The following CDHR3 variants were observed in gnomAD, a reference collection of about 807,000 sequenced individuals.
CDHR3 encodes cadherin-related family member 3.
Under a neutral mutation model 86.6 loss-of-function variants are expected in CDHR3, and 79 were observed. The observed-to-expected ratio is 0.91, with a 90% CI of 0.76 to 1.10. CDHR3 has a LOEUF of 1.10. Among genes scored for constraint, CDHR3 ranks in the 50% least tolerant of loss-of-function variants. CDHR3 has a pLI of 0.00. For synonymous variants in CDHR3, 421 were observed against 402.4 expected, an observed-to-expected ratio of 1.05 and a Z score of -0.55; for missense variants, 1,081 against 1,077.6, an observed-to-expected ratio of 1.00 and a Z score of -0.04.
intron 3 of CDHR3, among the ~76,000 whole-genome samples, chr7:105,982,049 C>A (rs1170401520): frequency 2.7e-5 from 3 of 110,602 alleles, no homozygotes; most frequent in Non-Finnish European, 5.8e-5. Context: ...GCCTCCCAGC[C>A]CCCCTGCAGT....
In CDHR3 at chr7:105,996,253, C is replaced by G. The variant is rs566350612; in HGVS notation, c.612C>G (p.Phe204Leu). 51 of 1,563,378 alleles carry G rather than the reference C, an allele frequency of 3.3e-5. No homozygotes were observed. The South Asian group carries it at 5.1e-4, about 16-fold the overall frequency. Reference sequence around the variant, plus strand: ...ACGTGGAATGTTTCCCTGGCAGTTTCCATCTCATCGTGGAGGTGAGGGACA... The same window carrying G: ...ACGTGGAATGTTTCCCTGGCAGTTTGCATCTCATCGTGGAGGTGAGGGACA... ...ELDFEAGHRS[F>L]HLIVEVRDSG... Residue 204 changes from phenylalanine (F) to leucine (L), a missense_variant, in exon 6 of 19, where the codon TTC becomes TTG. Transcript: ENST00000317716.
At chr7:106,008,393 G>A (rs527655243) in intron 8 of CDHR3, among the ~76,000 whole-genome samples, 2 of 152,272 alleles carry the variant, frequency 1.3e-5, no homozygotes, top group South Asian at 2.1e-4. Context: ...TGGCTTCCCT[G>A]GGCCTAGTGG....
rs1826324132 is a variant in CDHR3, at chr7:105,963,332, T to A, written c.14T>A (p.Ile5Asn). 1 of 1,613,900 alleles carries A rather than the reference T, an allele frequency of 6.2e-7. No homozygotes were observed. The highest frequency in any genetic ancestry group is 1.3e-5 in the African/African-American group (1 of 74,942). The change falls in exon 1 of 19, where the codon ATC becomes AAC. Residue 5 changes from isoleucine (I) to asparagine (N), a missense_variant. Transcript: ENST00000317716. The stretch of plus-strand genomic sequence containing the variant: ...TGACCATCAAGTATGCAGGAAGCAA[T>A]CATTCTCCTGGCTCTCCTGGGTGCC... The part of the protein sequence containing the change: MQEA[I>N]ILLALLGAMS...
At chr7:105,967,620 T>C (rs891173390) in intron 1 of CDHR3, among the ~76,000 whole-genome samples, 8 of 152,204 alleles carry the variant, frequency 5.3e-5, no homozygotes, top group African/African-American at 1.9e-4. Context: ...GCACCTGTTG[T>C]TTCCTGACTT....
At chr7:106,028,915 A>ATTCTCTTTCTTTCTTTCT (rs1837794377) in intron 17 of CDHR3, among the ~76,000 whole-genome samples, 1 of 115,306 alleles carries the variant, frequency 8.7e-6, no homozygotes, top group African/African-American at 3.3e-5. Context: ...TGAGATTTAA[A>ATTCTCTTTCTTTCTTTCT]TTTTCTTTCT....
At position 106,022,293 on chromosome 7, in the gene CDHR3, G is replaced by A. The variant is rs746415660; in HGVS notation, c.1921G>A (p.Asp641Asn). The change falls in exon 14 of 19, where the codon GAT becomes AAT. Residue 641 changes from aspartate to asparagine, a missense_variant. Physicochemically the swap from Asp to Asn is conservative, Grantham distance 23. Coordinates refer to ENST00000317716, the MANE Select transcript of CDHR3 (RefSeq NM_152750.5). ...TSRFDYAGGF[D>N]KIWDYKLLVY... ...TCGCTTTGACTATGCTGGTGGGTTT[G>A]ATAAGATCTGGGACTACAAGCTACT... The A allele has an allele frequency of 3.8e-5, 61 of 1,613,904 alleles. No individual in the cohort carries two copies. The highest frequency in any genetic ancestry group is 4.9e-5 in the Non-Finnish European group (58 of 1,179,908).
intron 8 of CDHR3, 68 bp downstream of exon 8, chr7:106,004,755 C>G: frequency 2.1e-6 from 3 of 1,425,274 alleles, no homozygotes; most frequent in Non-Finnish European, 3.0e-6. Context: ...TTCTGCTTCT[C>G]TGGTATATTC....
intron 2 of CDHR3, among the ~76,000 whole-genome samples, chr7:105,980,623 A>ATTTTTTTTTTT (rs55880404): frequency 2.8e-5 from 3 of 108,152 alleles, no homozygotes; most frequent in Admixed American, 1.0e-4. Context: ...TTTTTTTTTA[A>ATTTTTTTTTTT]TTTTTTTTTT....
At chr7:106,007,628 C>T (rs1834138418) in intron 8 of CDHR3, among the ~76,000 whole-genome samples, 1 of 152,236 alleles carries the variant, frequency 6.6e-6, no homozygotes, top group Non-Finnish European at 1.5e-5. Context: ...ACAAGTTCCT[C>T]ATCTCCATCT....
chr7:106,032,298 C>T, intron 18 of CDHR3, 95 bp from the exon 19 acceptor site: 3 of 1,228,172 alleles, frequency 2.4e-6, no homozygotes, highest in South Asian at 1.5e-5. Context: ...CTTCATCTTC[C>T]CTTGGGAGTC....
intron 4 of CDHR3, among the ~76,000 whole-genome samples, chr7:105,992,188 T>C (rs546796609): frequency 6.6e-6 from 1 of 152,092 alleles, no homozygotes; most frequent in African/African-American, 2.4e-5. Context: ...GGCCTTACAG[T>C]GCTTGGGACC....
At chr7:106,015,628 G>A (rs1317255040) in intron 10 of CDHR3, among the ~76,000 whole-genome samples, 3 of 152,068 alleles carry the variant, frequency 2.0e-5, no homozygotes, top group Non-Finnish European at 4.4e-5. Flanking sequence ...TTTTGCATAT[G>A]CCTACAACAC....
Position 106,024,479 on chromosome 7 carries a change from T to C in CDHR3, c.2175T>C (p.Gly725=). The change falls in exon 15 of 19, where the codon GGT becomes GGC. Residue 725 remains glycine, a synonymous_variant. Coordinates refer to ENST00000317716, the MANE Select transcript of CDHR3 (RefSeq NM_152750.5). Reference sequence around the variant, plus strand: ...CTTTGGGCTCCATATTGCTTCTGGGTCTCCTCGTGTACCTGGTCGTCCTAT... The same window carrying C: ...CTTTGGGCTCCATATTGCTTCTGGGCCTCCTCGTGTACCTGGTCGTCCTAT... ...VITLGSILLL[G]LLVYLVVLLA... 4 of 1,614,016 alleles carry C rather than the reference T, an allele frequency of 2.5e-6. No homozygotes were observed. Among genetic ancestry groups the C allele is most frequent in the Non-Finnish European group, 3.4e-6 (4 of 1,179,894 alleles).
chr7:106,010,033 G>C (rs1834556264), intron 8 of CDHR3, among the ~76,000 whole-genome samples: 1 of 152,186 alleles, frequency 6.6e-6, no homozygotes, highest in Non-Finnish European at 1.5e-5. Flanking sequence ...GGACGAATGA[G>C]AGAACAGGCC....
At position 105,983,770 on chromosome 7, in the gene CDHR3, T is replaced by G. The variant is rs370868886; in HGVS notation, c.416-422T>G. Among the ~76,000 whole-genome samples the G allele has an allele frequency of 3.3e-5, 5 of 152,196 alleles. No individual in the cohort carries two copies. In the South Asian group the frequency reaches 1.0e-3, roughly 32 times the overall value. ...TTTCAACGGCTCATTTCTGCGGAGT[T>G]GCCAAGTGTCCTTCAAGGGGTAACA... On this transcript the variant is annotated intron_variant, in intron 3 of 18. Transcript: ENST00000317716.
chr7:106,006,421 A>C (rs971712492), intron 8 of CDHR3, among the ~76,000 whole-genome samples: 1 of 152,220 alleles, frequency 6.6e-6, no homozygotes, highest in Non-Finnish European at 1.5e-5. Flanking sequence ...GAGACAAGGC[A>C]AATCCCTTCT....
At chr7:105,967,805 T>C (rs1303969453) in intron 1 of CDHR3, among the ~76,000 whole-genome samples, 1 of 152,230 alleles carries the variant, frequency 6.6e-6, no homozygotes, top group Admixed American at 6.5e-5. Flanking sequence ...TGGAGTTGTT[T>C]GATTTTTTCT....
chr7:105,977,341 C>A (rs1241326913), intron 2 of CDHR3, among the ~76,000 whole-genome samples: 1 of 152,180 alleles, frequency 6.6e-6, no homozygotes, highest in African/African-American at 2.4e-5. Context: ...ACTCTTTCTT[C>A]AAGGGACCTG....
rs1833398932 is a variant in CDHR3 at position 106,002,790 on chromosome 7, G to A, written c.862+1180G>A. ...AAATAGGAGAAATTAATTTTAATTA[G>A]GTATTTTTAACATGTATAAAATATT... On this transcript the variant is annotated intron_variant, in intron 7 of 18. Coordinates refer to ENST00000317716, the MANE Select transcript of CDHR3 (RefSeq NM_152750.5). 1.3e-5 allele frequency among the ~76,000 whole-genome samples: 2 copies of A among 152,006 alleles called. 1 individual carries two copies. The highest frequency in any genetic ancestry group is 4.2e-4 in the South Asian group (2 of 4,816).
Sources: allele counts gnomAD v4.1 joint callset (sites outside exome capture counted in the v4.1 genomes callset), GRCh38; gene constraint gnomAD v4.1.1; transcripts MANE v1.5; gene names NCBI Gene and HGNC (gene_info 2026-07-23, HGNC 2026-07-21).